ABR: variants seen among roughly 807,000 people sequenced by gnomAD.
ABR encodes ABR activator of RhoGEF and GTPase, also known as active breakpoint cluster region-related protein.
ABR carries 35 observed loss-of-function variants against 107.2 expected under a neutral mutation model. The ratio of observed to expected loss-of-function variants is 0.33; its 90% CI spans 0.25 to 0.43. The LOEUF (loss-of-function observed/expected upper bound fraction) is 0.43, where lower values mean the gene tolerates loss of function less well. Ranked by LOEUF, ABR falls within the 20% of genes least tolerant of loss-of-function variation. The pLI is 1.00. For synonymous variants in ABR, 498 were observed against 462.0 expected (o/e 1.08, Z -1.00); for missense variants, 815 against 1,115.2 (o/e 0.73, Z 3.83).
At position 1,212,557 on chromosome 17, in the gene ABR, C is replaced by T. The variant is rs905090677; in HGVS notation, c.838+16236G>A. On this transcript the variant is annotated intron_variant, in intron 1 of 22. Coordinates refer to the ABR transcript ENST00000574139. The stretch of plus-strand genomic sequence containing the variant: ...ATCATTTGAGGTCAGGAGCTCGAGA[C>T]TGGCCTGGCCAACATGGTGAAACCT... Among the ~76,000 whole-genome samples the T allele has an allele frequency of 6.6e-4, 101 of 152,146 alleles. 1 individual carries two copies. The highest frequency in any genetic ancestry group is 2.3e-3 in the African/African-American group (96 of 41,524).
intron 16 of ABR, chr17:1,022,536 G>A (rs111737188): frequency 3.2e-4 from 50 of 154,588 alleles, no homozygotes; most frequent in African/African-American, 5.8e-4. Context: ...TGCTCCGAGC[G>A]ACTCCGAGAG....
At chr17:1,204,467 A>G (rs1216774197) in intron 1 of ABR, among the ~76,000 whole-genome samples, 1 of 152,234 alleles carries the variant, frequency 6.6e-6, no homozygotes. Context: ...AACAAAAAAA[A>G]TGAGAAACAT....
At chr17:1,119,721 C>T (rs2039256918) in intron 2 of ABR, among the ~76,000 whole-genome samples, 1 of 152,184 alleles carries the variant, frequency 6.6e-6, no homozygotes, top group East Asian at 1.9e-4. Flanking sequence ...CCGTGCACAC[C>T]TCCCAAACTG....
rs144802694 is a variant in ABR, at chr17:1,057,128, G to A, written c.1382-26C>T. Reference sequence around the variant, plus strand: ...CTGGAGGGAGAGCCGAGAGAGAAGGGAGCGTGGGCACTGGTCCACCAGGAC... The same window carrying A: ...CTGGAGGGAGAGCCGAGAGAGAAGGAAGCGTGGGCACTGGTCCACCAGGAC... On this transcript the variant is annotated intron_variant, in intron 12 of 22. Coordinates refer to ENST00000302538, the MANE Select transcript of ABR (RefSeq NM_021962.5). 1,252 of 1,522,988 alleles carry A rather than the reference G, an allele frequency of 8.2e-4. 1 individual carries two copies. Among genetic ancestry groups the A allele is most frequent in the Non-Finnish European group, 1.0e-3 (1,103 of 1,099,834 alleles). 94.3% of individuals were successfully genotyped at this position (1,522,988 alleles called of 1,614,324 possible).
chr17:1,121,206 G>A (rs2039329187), intron 2 of ABR, among the ~76,000 whole-genome samples: 3 of 152,258 alleles, frequency 2.0e-5, no homozygotes, highest in Non-Finnish European at 4.4e-5. Flanking sequence ...CAAAGGCAGA[G>A]TGCAAGGCTG....
Position 1,051,988 on chromosome 17 carries a change from C to T in ABR, c.1562-1354G>A, listed in dbSNP as rs1487440668. ...ACTCGGGAGGCTGAGGCAGGACAAT[C>T]GCTTGAACCTGGGGTGTGGAAGTTG... On this transcript the variant is annotated intron_variant, in intron 14 of 22. Coordinates refer to ENST00000302538, the MANE Select transcript of ABR (RefSeq NM_021962.5). The surrounding 1 kb of genome is among the most constrained non-coding windows in gnomAD (Gnocchi z 4.3). Among the ~76,000 whole-genome samples the T allele has an allele frequency of 2.0e-5, 3 of 152,084 alleles. No individual in the cohort carries two copies. The highest frequency in any genetic ancestry group is 4.2e-4 in the South Asian group (2 of 4,812).
chr17:1,018,288 C>T (rs527619823), intron 16 of ABR, among the ~76,000 whole-genome samples: 8 of 152,114 alleles, frequency 5.3e-5, no homozygotes, highest in African/African-American at 1.2e-4. Flanking sequence ...GTGATTCGCC[C>T]ACCTCGGCCT....
At chr17:1,064,508 CTGAGGG>C (rs2034460983) in intron 10 of ABR, among the ~76,000 whole-genome samples, 1 of 126,218 alleles carries the variant, frequency 7.9e-6, no homozygotes. Flanking sequence ...GTTATGTGAA[CTGAGGG>C]CTATGCATGT....
At chr17:1,020,229 C>T (rs573840251) in intron 16 of ABR, among the ~76,000 whole-genome samples, 3 of 152,256 alleles carry the variant, frequency 2.0e-5, no homozygotes, top group Admixed American at 1.3e-4. Flanking sequence ...GCTACAGGCA[C>T]GAGCCACCAC....
At chr17:1,223,461 C>T (rs750123039) in intron 1 of ABR, among the ~76,000 whole-genome samples, 1 of 152,086 alleles carries the variant, frequency 6.6e-6, no homozygotes, top group Non-Finnish European at 1.5e-5. Flanking sequence ...GCTTGGTGTG[C>T]GAAAGCATGG....
intron 1 of ABR, among the ~76,000 whole-genome samples, chr17:1,186,616 T>C (rs1293637377): frequency 2.0e-5 from 3 of 152,226 alleles, no homozygotes; most frequent in Non-Finnish European, 2.9e-5. Flanking sequence ...GCAGAGCCGC[T>C]GGCTTAGATT....
intron 1 of ABR, among the ~76,000 whole-genome samples, chr17:1,194,705 G>A (rs2042514678): frequency 8.1e-6 from 1 of 123,648 alleles, no homozygotes; most frequent in African/African-American, 2.7e-5. Context: ...CCAGGCTGGA[G>A]TGCAGTGGTG....
At chr17:1,041,069 ACCATCACGCC>A (rs2030357426) in intron 16 of ABR, among the ~76,000 whole-genome samples, 1 of 151,928 alleles carries the variant, frequency 6.6e-6, no homozygotes, top group South Asian at 2.1e-4. Context: ...ACAGGAGCGC[ACCATCACGCC>A]CGGCTGATTT....
rs886826679 is a variant in ABR at position 1,150,190 on chromosome 17, C to T, written c.62-24823G>A. On this transcript the variant is annotated intron_variant, in intron 1 of 22. Transcript: ENST00000302538. This position sits in a 1 kb window ranked among gnomAD's most constrained non-coding sequence, Gnocchi z 4.8. ...CTGAGATTACAGACGTGAGCCACCGCGCCCGGCCTGTGTCAGAATTTTTTT... is the reference window on the plus strand; with the variant it reads ...CTGAGATTACAGACGTGAGCCACCGTGCCCGGCCTGTGTCAGAATTTTTTT... 4.6e-5 allele frequency among the ~76,000 whole-genome samples: 7 copies of T among 151,870 alleles called. No homozygotes were observed. The highest frequency in any genetic ancestry group is 1.5e-4 in the African/African-American group (6 of 41,334).
intron 1 of ABR, among the ~76,000 whole-genome samples, chr17:1,192,638 C>T (rs1338638146): frequency 1.3e-5 from 2 of 151,688 alleles, no homozygotes; most frequent in African/African-American, 4.9e-5. Context: ...ATTAGCTGGG[C>T]ATGGTGGAAG....
At chr17:1,047,550 G>T (rs572576419) in intron 16 of ABR, among the ~76,000 whole-genome samples, 5 of 152,336 alleles carry the variant, frequency 3.3e-5, no homozygotes, top group Admixed American at 3.3e-4. Flanking sequence ...CTGAGTGCTG[G>T]GGGACTTCAA....
intron 10 of ABR, among the ~76,000 whole-genome samples, chr17:1,064,745 T>C (rs71358525): frequency 7.6e-4 from 93 of 122,608 alleles, no homozygotes; most frequent in Non-Finnish European, 1.1e-3. Flanking sequence ...CATGTTCCTC[T>C]AGACACTGTT....
At chr17:1,020,873 G>A (rs757945588) in intron 16 of ABR, among the ~76,000 whole-genome samples, 18 of 152,110 alleles carry the variant, frequency 1.2e-4, no homozygotes, top group Non-Finnish European at 1.8e-4. Flanking sequence ...CTGCCCGGAG[G>A]GCTGCTCCCG....
intron 3 of ABR, among the ~76,000 whole-genome samples, chr17:1,095,746 A>G (rs551334221): frequency 6.6e-6 from 1 of 152,168 alleles, no homozygotes; most frequent in Non-Finnish European, 1.5e-5. Flanking sequence ...GGGACTTCAC[A>G]TAGCCGTTTG....
Sources: allele counts gnomAD v4.1 joint callset (sites outside exome capture counted in the v4.1 genomes callset), GRCh38; gene constraint gnomAD v4.1.1; non-coding constraint Gnocchi (gnomAD v3.1); transcripts MANE v1.5; gene names NCBI Gene and HGNC (gene_info 2026-07-23, HGNC 2026-07-21).